Variants in BAIAP2 observed in about 807,000 individuals in gnomAD.
BAIAP2 encodes the protein BAR/IMD domain containing adaptor protein 2.
Under a neutral mutation model 63.0 loss-of-function variants are expected in BAIAP2, and 18 were observed. That is an observed-to-expected ratio of 0.29 (90% CI 0.20 to 0.42). BAIAP2 has a LOEUF of 0.42. Ranked by LOEUF, BAIAP2 falls within the 10% of genes least tolerant of loss-of-function variation. BAIAP2 has a pLI of 1.00. For synonymous variants in BAIAP2, 386 were observed against 307.6 expected (o/e 1.25, Z -2.67); for missense variants, 610 against 734.3 (o/e 0.83, Z 1.96).
At chr17:81,090,341 G>T (rs935276201) in intron 6 of BAIAP2, among the ~76,000 whole-genome samples, 2 of 152,224 alleles carry the variant, frequency 1.3e-5, no homozygotes, top group Admixed American at 1.3e-4. Flanking sequence ...CTGCGTGGGG[G>T]CTCTCCTGGA....
intron 1 of BAIAP2, among the ~76,000 whole-genome samples, chr17:81,044,797 G>A (rs533257906): frequency 7.9e-5 from 12 of 152,338 alleles, no homozygotes; most frequent in African/African-American, 2.6e-4. Flanking sequence ...AGGTTTCCAC[G>A]GGGACAGCTG....
At chr17:81,055,569 G>GTTTTTTTTT (rs1555657837) in intron 2 of BAIAP2, among the ~76,000 whole-genome samples, 12 of 94,198 alleles carry the variant, frequency 1.3e-4, no homozygotes, top group East Asian at 3.4e-4. Context: ...TCTGCAGGGT[G>GTTTTTTTTT]TTTTGTTTTT....
chr17:81,071,124 A>C (rs1598627609), intron 3 of BAIAP2, among the ~76,000 whole-genome samples: 2 of 149,254 alleles, frequency 1.3e-5, no homozygotes, highest in Non-Finnish European at 1.5e-5. Context: ...CCCATTGGTT[A>C]CCCGCTGGCC....
chr17:81,074,700 A>G (rs1313316328), intron 3 of BAIAP2, among the ~76,000 whole-genome samples: 4 of 140,940 alleles, frequency 2.8e-5, no homozygotes, highest in Non-Finnish European at 6.1e-5. Flanking sequence ...GTGTGCATGC[A>G]CGGATGCGTG....
chr17:81,080,411 T>C (rs1377739219), intron 3 of BAIAP2, among the ~76,000 whole-genome samples: 2 of 152,230 alleles, frequency 1.3e-5, no homozygotes, highest in Non-Finnish European at 2.9e-5. Context: ...CTGTGCAGCT[T>C]TGCCTGGACC....
chr17:81,044,802 C>T (rs1377879922), intron 1 of BAIAP2, among the ~76,000 whole-genome samples: 1 of 152,238 alleles, frequency 6.6e-6, no homozygotes, highest in Non-Finnish European at 1.5e-5. Flanking sequence ...TCCACGGGGA[C>T]AGCTGATTCT....
intron 4 of BAIAP2, chr17:81,085,328 A>G (rs777503422): frequency 5.2e-4 from 281 of 543,164 alleles, no homozygotes; most frequent in Non-Finnish European, 5.9e-4. Flanking sequence ...GTTCAGGCCC[A>G]TGGGCCCTGC....
In BAIAP2 at chr17:81,104,640, AG is replaced by A; in HGVS notation, c.1196del (p.Gly399ValfsTer47). On this transcript the variant is annotated frameshift_variant, in exon 10 of 14. Transcript: ENST00000428708. LOFTEE classifies it high-confidence loss of function. ...GDNSTLLSFK[E>X]GDLITLLVPE... ...AACAGCACCCTCCTGAGCTTCAAGG[AG>A]GGTGACCTCATTACCCTGCTGGTGC... 1 of 1,610,992 alleles carries A rather than the reference AG, an allele frequency of 6.2e-7. No homozygotes were observed. Among genetic ancestry groups the A allele is most frequent in the Non-Finnish European group, 8.5e-7 (1 of 1,179,174 alleles).
At chr17:81,056,670 G>T (rs886518126) in intron 2 of BAIAP2, among the ~76,000 whole-genome samples, 1 of 152,204 alleles carries the variant, frequency 6.6e-6, no homozygotes, top group East Asian at 1.9e-4. Flanking sequence ...GGGTGGCGGG[G>T]CTGAGTGTGG....
chr17:81,114,392 G>T (rs1410053998), intron 13 of BAIAP2, among the ~76,000 whole-genome samples: 2 of 152,074 alleles, frequency 1.3e-5, no homozygotes, highest in Non-Finnish European at 2.9e-5. Context: ...GGCATGGGCA[G>T]ACATCAGTGA....
chr17:81,108,372 C>T, intron 12 of BAIAP2, 103 bp from the exon 13 acceptor site: 1 of 1,341,328 alleles, frequency 7.5e-7, no homozygotes, highest in Non-Finnish European at 1.1e-6. Flanking sequence ...CGGTTTGAAC[C>T]TTGTCCAGGC....
chr17:81,109,303 T>C (rs1485884717), intron 13 of BAIAP2: 17 of 1,192,216 alleles, frequency 1.4e-5, no homozygotes, highest in Non-Finnish European at 1.0e-6. Context: ...CTGCAGTGTC[T>C]GTGGCACTCA....
chr17:81,105,043 C>A, intron 10 of BAIAP2: 4 of 249,982 alleles, frequency 1.6e-5, no homozygotes, highest in Admixed American at 5.1e-5. Flanking sequence ...TGGCAGGGGT[C>A]TTTCCCCATG....
At chr17:81,078,761 C>T (rs1217458886) in intron 3 of BAIAP2, among the ~76,000 whole-genome samples, 1 of 152,072 alleles carries the variant, frequency 6.6e-6, no homozygotes, top group Admixed American at 6.5e-5. Context: ...GCAGCCTCCG[C>T]TCCTCTCTGG....
intron 1 of BAIAP2, among the ~76,000 whole-genome samples, chr17:81,049,924 G>T (rs546753786): frequency 6.6e-6 from 1 of 152,356 alleles, no homozygotes; most frequent in South Asian, 2.1e-4. Context: ...GGGTCAGGAT[G>T]GCCCGTGCCT....
At chr17:81,102,580 T>C (rs1038077255) in intron 7 of BAIAP2, among the ~76,000 whole-genome samples, 4 of 152,204 alleles carry the variant, frequency 2.6e-5, no homozygotes, top group African/African-American at 9.7e-5. Context: ...AAGCCAGCCC[T>C]CGGGCTGTGG....
At chr17:81,067,262 C>T (rs977224141) in intron 3 of BAIAP2, among the ~76,000 whole-genome samples, 2 of 152,240 alleles carry the variant, frequency 1.3e-5, no homozygotes, top group African/African-American at 4.8e-5. Context: ...TTGGGAAGGA[C>T]GCTGCCCTGG....
intron 2 of BAIAP2, among the ~76,000 whole-genome samples, chr17:81,054,188 G>T (rs1173403626): frequency 2.1e-5 from 1 of 47,236 alleles, no homozygotes; most frequent in Non-Finnish European, 4.1e-5. Flanking sequence ...AACTGTGCCC[G>T]GGCCCCGTGG....
At chr17:81,063,043 A>G (rs991373863) in intron 3 of BAIAP2, among the ~76,000 whole-genome samples, 1 of 151,194 alleles carries the variant, frequency 6.6e-6, no homozygotes, top group African/African-American at 2.4e-5. Context: ...TCCATGATTG[A>G]GAGTGGTGTG....
Sources: allele counts gnomAD v4.1 joint callset (sites outside exome capture counted in the v4.1 genomes callset), GRCh38; gene constraint gnomAD v4.1.1; transcripts MANE v1.5; gene names NCBI Gene and HGNC (gene_info 2026-07-23, HGNC 2026-07-21).